The following MTPN variants were observed in gnomAD, a reference collection of about 807,000 sequenced individuals.
MTPN encodes granule cell differentiation protein.
Under a neutral mutation model 13.5 loss-of-function variants are expected in MTPN, and 2 were observed. The observed-to-expected ratio is 0.15, with a 90% CI of 0.06 to 0.47. The LOEUF (loss-of-function observed/expected upper bound fraction) is 0.47. MTPN is among the 20% of genes least tolerant of loss of function. MTPN has a pLI of 0.97. For missense variants in MTPN, 79 were observed against 137.9 expected (o/e 0.57, Z 2.14); for synonymous variants, 46 against 51.7 (o/e 0.89, Z 0.48).
chr7:135,927,571 T>C lies in MTPN; in HGVS notation c.*2355A>G, dbSNP rs1798940787. Reference sequence around the variant, plus strand: ...ACCAGAAAGCAAACATGGTTTTAGCTTCCTTTACTCAAAATATGAACATTA... The same window carrying C: ...ACCAGAAAGCAAACATGGTTTTAGCCTCCTTTACTCAAAATATGAACATTA... On this transcript the variant is annotated 3_prime_UTR_variant, in exon 4 of 4. Coordinates refer to ENST00000393085, the MANE Select transcript of MTPN (RefSeq NM_145808.4). 1 of 700,834 alleles carries C rather than the reference T, an allele frequency of 1.4e-6. No homozygotes were observed. The highest frequency in any genetic ancestry group is 2.6e-6 in the Non-Finnish European group (1 of 391,122). 43.4% of individuals were successfully genotyped at this position (700,834 alleles called of 1,614,324 possible). A position where few individuals can be genotyped will look rare whatever the true frequency, so the allele number is the denominator to read the frequency against.
At position 135,927,887 on chromosome 7, in the gene MTPN, A is replaced by G. The variant is rs1347914624; in HGVS notation, c.*2039T>C. Reference sequence around the variant, plus strand: ...GACCAGGTTTAGGAATGATAGGACAATGCACTCTCTGCAATAGCCAACTAC... The same window carrying G: ...GACCAGGTTTAGGAATGATAGGACAGTGCACTCTCTGCAATAGCCAACTAC... On this transcript the variant is annotated 3_prime_UTR_variant, in exon 4 of 4. Transcript: ENST00000393085. The G allele has an allele frequency of 3.1e-6, 1 of 324,360 alleles. No homozygotes were observed. Among genetic ancestry groups the G allele is most frequent in the Non-Finnish European group, 6.3e-6 (1 of 159,636 alleles). 20.1% of individuals were successfully genotyped at this position (324,360 alleles called of 1,614,324 possible).
chr7:135,960,473 C>T (rs139230806), intron 1 of MTPN, among the ~76,000 whole-genome samples: 1 of 152,036 alleles, frequency 6.6e-6, no homozygotes, highest in Non-Finnish European at 1.5e-5. Context: ...TGGTCAGAGG[C>T]AATCCTCACA....
chr7:135,931,498 T>C (rs939899277), intron 3 of MTPN, among the ~76,000 whole-genome samples: 1 of 152,158 alleles, frequency 6.6e-6, no homozygotes, highest in Non-Finnish European at 1.5e-5. Flanking sequence ...TAAAAGTCTC[T>C]ATTTCCTCAT....
chr7:135,939,652 T>C (rs1389378914), intron 3 of MTPN, among the ~76,000 whole-genome samples: 2 of 145,112 alleles, frequency 1.4e-5, no homozygotes, highest in East Asian at 4.2e-4. Flanking sequence ...GCCAGTCACT[T>C]AGCCTTGGAC....
At chr7:135,972,218 C>A (rs1299889698) in intron 1 of MTPN, among the ~76,000 whole-genome samples, 1 of 79,920 alleles carries the variant, frequency 1.3e-5, no homozygotes, top group African/African-American at 4.9e-5. Context: ...CACGCGCACA[C>A]GCGCACGCGC....
At position 135,962,219 on chromosome 7, in the gene MTPN, T is replaced by C. The variant is rs1453475405; in HGVS notation, c.73-10589A>G. 3.7e-5 allele frequency among the ~76,000 whole-genome samples: 5 copies of C among 136,668 alleles called. No homozygotes were observed. The East Asian group carries it at 2.2e-3, about 61-fold the overall frequency. The allele number at this position is 136,668 out of a possible 152,430, so 89.7% of individuals were successfully genotyped here. A position where few individuals can be genotyped will look rare whatever the true frequency, so the allele number is the denominator to read the frequency against. ...CTAATCCCAGTGCAATGGGATTAGA[T>C]TGCATTAATCTAATGCAATTAATTA... On this transcript the variant is annotated intron_variant, in intron 1 of 3. Coordinates refer to ENST00000393085, the MANE Select transcript of MTPN (RefSeq NM_145808.4).
At chr7:135,976,724 G>A (rs74851337) in intron 1 of MTPN, among the ~76,000 whole-genome samples, 1,930 of 152,080 alleles carry the variant, frequency 0.013, 36 homozygotes, top group African/African-American at 0.044. Flanking sequence ...CAAATGATCA[G>A]TGCGCAGAAG....
chr7:135,938,851 G>A (rs1398837356), intron 3 of MTPN, among the ~76,000 whole-genome samples: 1 of 152,178 alleles, frequency 6.6e-6, no homozygotes, highest in Admixed American at 6.5e-5. Flanking sequence ...ACAGACCCCC[G>A]AGGGTTGGAT....
chr7:135,975,645 GC>G (rs1799762841), intron 1 of MTPN, among the ~76,000 whole-genome samples: 1 of 152,124 alleles, frequency 6.6e-6, no homozygotes, highest in Admixed American at 6.5e-5. Flanking sequence ...GAAAACAAAA[GC>G]CCACTTACTT....
At position 135,966,839 on chromosome 7, in the gene MTPN, G is replaced by C. The variant is rs931296391; in HGVS notation, c.72+10190C>G. On this transcript the variant is annotated intron_variant, in intron 1 of 3. Transcript: ENST00000393085. ...GCGGTGAGCACCAGACCTTGCCTTTGATCAAGATTCATACTATATAAGTAG... is the reference window on the plus strand; with the variant it reads ...GCGGTGAGCACCAGACCTTGCCTTTCATCAAGATTCATACTATATAAGTAG... 2.0e-4 allele frequency among the ~76,000 whole-genome samples: 31 copies of C among 152,120 alleles called. 1 individual carries two copies. Among genetic ancestry groups the C allele is most frequent in the East Asian group, 1.9e-4 (1 of 5,186 alleles).
chr7:135,935,536 G>A (rs1342396416), intron 3 of MTPN, among the ~76,000 whole-genome samples: 3 of 152,238 alleles, frequency 2.0e-5, no homozygotes, highest in East Asian at 1.9e-4. Flanking sequence ...CACTGCGCCC[G>A]GCCTTTTTTA....
chr7:135,964,355 T>C (rs558160745), intron 1 of MTPN, among the ~76,000 whole-genome samples: 3 of 152,202 alleles, frequency 2.0e-5, no homozygotes, highest in South Asian at 2.1e-4. Flanking sequence ...TGGCTGACAC[T>C]GTAGGTGCTC....
rs1798973093 is a variant in MTPN at position 135,929,090 on chromosome 7, CTTATGGCTATGATTCTA to C, written c.*819_*835del. The stretch of plus-strand genomic sequence containing the variant: ...TCTCTCTTCATATGATACTAACAGG[CTTATGGCTATGATTCTA>C]TTTTTAAATCCCCTTTTACTACCAG... On this transcript the variant is annotated 3_prime_UTR_variant, in exon 4 of 4. Transcript: ENST00000393085. 6.0e-6 allele frequency: 1 copy of C among 167,044 alleles called. No homozygotes were observed. Among genetic ancestry groups the C allele is most frequent in the Non-Finnish European group, 1.5e-5 (1 of 68,106 alleles). 10.3% of individuals were successfully genotyped at this position (167,044 alleles called of 1,614,324 possible).
At chr7:135,934,429 G>A (rs1799082148) in intron 3 of MTPN, among the ~76,000 whole-genome samples, 1 of 152,124 alleles carries the variant, frequency 6.6e-6, no homozygotes, top group African/African-American at 2.4e-5. Context: ...ACAGCAAGTG[G>A]CTTCATATTT....
chr7:135,970,464 T>C (rs1799677244), intron 1 of MTPN, among the ~76,000 whole-genome samples: 2 of 152,214 alleles, frequency 1.3e-5, no homozygotes, highest in South Asian at 2.1e-4. Context: ...GTCTTCTTTA[T>C]TCTTTTCTGT....
chr7:135,960,781 C>T (rs1245322899), intron 1 of MTPN: 4 of 150,776 alleles, frequency 2.7e-5, no homozygotes, highest in Admixed American at 6.6e-5. Context: ...AAGAGTGACA[C>T]GCAAATTCAT....
chr7:135,949,640 T>C (rs971543703), intron 3 of MTPN, among the ~76,000 whole-genome samples: 4 of 152,178 alleles, frequency 2.6e-5, no homozygotes, highest in African/African-American at 9.7e-5. Flanking sequence ...CTTTACAAAG[T>C]TGTCAATAAA....
chr7:135,976,924 T>TGCAAACC, intron 1 of MTPN, 105 bp downstream of exon 1: 1 of 724,844 alleles, frequency 1.4e-6, no homozygotes, highest in Non-Finnish European at 2.5e-6. Flanking sequence ...AGGAAGTCTC[T>TGCAAACC]CCTCCCGCCC....
At chr7:135,971,903 T>A (rs574928998) in intron 1 of MTPN, among the ~76,000 whole-genome samples, 22 of 152,346 alleles carry the variant, frequency 1.4e-4, no homozygotes, top group African/African-American at 5.3e-4. Flanking sequence ...AAGGTTAGAT[T>A]ATATGTGACC....
Sources: allele counts gnomAD v4.1 joint callset (sites outside exome capture counted in the v4.1 genomes callset), GRCh38; gene constraint gnomAD v4.1.1; transcripts MANE v1.5; gene names NCBI Gene and HGNC (gene_info 2026-07-23, HGNC 2026-07-21).